The following MCPH1 variants were observed in gnomAD, a reference collection of about 807,000 sequenced individuals.
MCPH1 encodes the protein microcephalin.
Under a neutral mutation model 84.5 loss-of-function variants are expected in MCPH1, and 104 were observed. The observed-to-expected ratio is 1.23, with a 90% CI of 1.05 to 1.45. The LOEUF is 1.45. MCPH1 is among the 40% of genes most tolerant of loss of function. MCPH1 has a pLI of 0.00. For synonymous variants in MCPH1, 514 were observed against 366.8 expected (o/e 1.40, Z -4.58); for missense variants, 1,498 against 1,005.7 (o/e 1.49, Z -6.62).
intron 12 of MCPH1, chr8:6,532,485 A>G (rs1819705015): frequency 1.2e-6 from 2 of 1,610,634 alleles, no homozygotes; most frequent in East Asian, 2.2e-5. Context: ...TATAATTCTC[A>G]AGCTAGAAAA....
chr8:6,622,437 C>A (rs976090664), intron 13 of MCPH1, among the ~76,000 whole-genome samples: 1 of 152,188 alleles, frequency 6.6e-6, no homozygotes, highest in Non-Finnish European at 1.5e-5. Flanking sequence ...GCAGGGGCAG[C>A]GTCTGTGCTA....
intron 12 of MCPH1, among the ~76,000 whole-genome samples, chr8:6,560,287 C>T (rs908060655): frequency 6.6e-6 from 1 of 152,168 alleles, no homozygotes. Flanking sequence ...TGTGCTGCTG[C>T]TTTCTGTGCT....
intron 4 of MCPH1, among the ~76,000 whole-genome samples, chr8:6,433,373 C>T (rs576380194): frequency 6.6e-6 from 1 of 152,290 alleles, no homozygotes; most frequent in African/African-American, 2.4e-5. Context: ...TGGCTCACAC[C>T]TGTAATCCCA....
intron 12 of MCPH1, among the ~76,000 whole-genome samples, chr8:6,542,552 C>A (rs1475290049): frequency 2.0e-5 from 3 of 151,908 alleles, no homozygotes; most frequent in Admixed American, 1.3e-4. Flanking sequence ...TCTCCCAACA[C>A]CCCATCCCGC....
At chr8:6,542,811 C>A (rs552768638) in intron 12 of MCPH1, among the ~76,000 whole-genome samples, 14 of 152,036 alleles carry the variant, frequency 9.2e-5, no homozygotes, top group African/African-American at 3.4e-4. Context: ...TTTTCTTTTT[C>A]CAATAAACTG....
intron 12 of MCPH1, among the ~76,000 whole-genome samples, chr8:6,590,524 C>A (rs1038822189): frequency 1.2e-4 from 18 of 152,168 alleles, no homozygotes; most frequent in African/African-American, 4.3e-4. Context: ...GAATCTGCTG[C>A]TATCTGGGTT....
chr8:6,537,783 G>T (rs942410678), intron 12 of MCPH1, among the ~76,000 whole-genome samples: 8 of 151,980 alleles, frequency 5.3e-5, no homozygotes, highest in African/African-American at 1.9e-4. Context: ...TCTTGAAACT[G>T]GCTCAGTAAA....
At chr8:6,408,279 A>G (rs1798024771) in intron 1 of MCPH1, among the ~76,000 whole-genome samples, 1 of 152,106 alleles carries the variant, frequency 6.6e-6, no homozygotes, top group South Asian at 2.1e-4. Flanking sequence ...CCCAGGCTGG[A>G]GCGCAGTGAT....
intron 12 of MCPH1, among the ~76,000 whole-genome samples, chr8:6,551,535 G>A (rs1392517323): frequency 6.6e-6 from 1 of 152,092 alleles, no homozygotes; most frequent in Non-Finnish European, 1.5e-5. Context: ...TTGTTTGAGG[G>A]GCTGGTGTTC....
intron 12 of MCPH1, chr8:6,502,755 G>A: frequency 3.4e-6 from 1 of 295,532 alleles, no homozygotes; most frequent in Non-Finnish European, 6.4e-6. Context: ...TAACATAAGT[G>A]TTCTGTTTTC....
At position 6,442,056 on chromosome 8, in the gene MCPH1, C is replaced by A. The variant is rs1413536242; in HGVS notation, c.581-11C>A. ...ACTTTATCTAATGCAGTGTCTTGGT[C>A]CTGTTTTTAGCTTCCCAAATGATTC... On this transcript the variant is annotated splice_polypyrimidine_tract_variant and intron_variant, in intron 6 of 13. Transcript: ENST00000344683. The A allele has an allele frequency of 2.5e-6, 4 of 1,599,392 alleles. No homozygotes were observed. In the East Asian group the frequency reaches 8.9e-5, roughly 36 times the overall value.
At chr8:6,631,760 C>A (rs527781895) in intron 13 of MCPH1, among the ~76,000 whole-genome samples, 1 of 151,798 alleles carries the variant, frequency 6.6e-6, no homozygotes, top group African/African-American at 2.4e-5. Context: ...ATTGTAGCCA[C>A]GATAGAAAAC....
chr8:6,605,685 C>G (rs1829710923), intron 12 of MCPH1, among the ~76,000 whole-genome samples: 1 of 147,968 alleles, frequency 6.8e-6, no homozygotes, highest in Non-Finnish European at 1.5e-5. Context: ...CTGTGAATCA[C>G]AGACATTATT....
intron 9 of MCPH1, chr8:6,477,316 G>A: frequency 2.4e-6 from 1 of 416,074 alleles, no homozygotes; most frequent in Non-Finnish European, 4.3e-6. Context: ...AGGTCTGCTG[G>A]CTAACTGGTG....
chr8:6,569,991 C>A (rs754250105), intron 12 of MCPH1, among the ~76,000 whole-genome samples: 1 of 152,210 alleles, frequency 6.6e-6, no homozygotes, highest in Non-Finnish European at 1.5e-5. Flanking sequence ...ATCATTAATG[C>A]AGAGCTGAAT....
chr8:6,474,851 A>C (rs1309026158), intron 9 of MCPH1, among the ~76,000 whole-genome samples: 4 of 152,188 alleles, frequency 2.6e-5, no homozygotes, highest in Non-Finnish European at 5.9e-5. Flanking sequence ...TAAGAATAAT[A>C]ATACTTAATG....
rs918561933 is a variant in MCPH1, at chr8:6,508,684, C to A, written c.2214+8755C>A. 24 of 601,912 alleles carry A rather than the reference C, an allele frequency of 4.0e-5. No individual in the cohort carries two copies. The African/African-American group carries it at 4.3e-4, about 11-fold the overall frequency. The allele number at this position is 601,912 out of a possible 1,614,324, so 37.3% of individuals were successfully genotyped here. On this transcript the variant is annotated intron_variant, in intron 12 of 13. Transcript: ENST00000344683. ...TTGCTAAGAATCAAATATCCCCTCT[C>A]CTTGCCAGGGCTAGGTCCTGAGGAG...
chr8:6,443,575 G>A (rs938028055), intron 7 of MCPH1, among the ~76,000 whole-genome samples: 1 of 152,190 alleles, frequency 6.6e-6, no homozygotes, highest in African/African-American at 2.4e-5. Context: ...GAGCCAGCAC[G>A]GGACTAGAGA....
chr8:6,618,230 TG>T (rs144060193), intron 12 of MCPH1, among the ~76,000 whole-genome samples: 3,781 of 152,346 alleles, frequency 0.025, 159 homozygotes, highest in African/African-American at 0.086. Context: ...CGAGAGCCAG[TG>T]GTGATACAAT....
Sources: gnomAD v4.1 joint callset for allele counts (sites outside exome capture counted in the v4.1 genomes callset) on GRCh38, gnomAD v4.1.1 for gene constraint, MANE v1.5 for transcripts, NCBI Gene and HGNC (gene_info 2026-07-23, HGNC 2026-07-21) for gene names.